The following MED12L variants were observed in gnomAD, a reference collection of about 807,000 sequenced individuals.
MED12L encodes the protein mediator complex subunit 12L.
Under a neutral mutation model 281.3 loss-of-function variants are expected in MED12L, and 60 were observed. The observed-to-expected ratio is 0.21, with a 90% CI of 0.17 to 0.26. The LOEUF is 0.26. Among genes scored for constraint, MED12L ranks in the 10% least tolerant of loss-of-function variants. The pLI is 1.00. For missense variants in MED12L, 2,146 were observed against 2,680.9 expected (o/e 0.80, Z 4.41); for synonymous variants, 974 against 987.2 (o/e 0.99, Z 0.25).
chr3:151,197,421 A>G (rs1472946626), intron 16 of MED12L, among the ~76,000 whole-genome samples: 1 of 152,166 alleles, frequency 6.6e-6, no homozygotes, highest in Non-Finnish European at 1.5e-5. Context: ...TCAGCCTCCC[A>G]AAGTGTGTGA....
chr3:151,167,747 T>C (rs920613803), intron 11 of MED12L, among the ~76,000 whole-genome samples: 1 of 152,148 alleles, frequency 6.6e-6, no homozygotes, highest in Non-Finnish European at 1.5e-5. Flanking sequence ...CAAGTTAGAG[T>C]GCTACGTGCT....
At chr3:151,214,662 A>G (rs1727850936) in intron 16 of MED12L, among the ~76,000 whole-genome samples, 1 of 146,830 alleles carries the variant, frequency 6.8e-6, no homozygotes, top group African/African-American at 2.6e-5. Flanking sequence ...GGAAGAATGG[A>G]GCAGACAGGT....
chr3:151,411,903 G>T (rs952632319), intron 41 of MED12L, among the ~76,000 whole-genome samples: 1 of 152,192 alleles, frequency 6.6e-6, no homozygotes, highest in African/African-American at 2.4e-5. Flanking sequence ...TAAAATGTGT[G>T]ATTGCAATAC....
intron 3 of MED12L, among the ~76,000 whole-genome samples, chr3:151,120,074 A>AT (rs1482730052): frequency 3.4e-4 from 52 of 151,368 alleles, no homozygotes; most frequent in African/African-American, 1.2e-3. Flanking sequence ...AAAAAAAAAA[A>AT]ATTAGCTGGG....
At chr3:151,161,970 G>C (rs1410273990) in intron 8 of MED12L, among the ~76,000 whole-genome samples, 2 of 152,202 alleles carry the variant, frequency 1.3e-5, no homozygotes, top group Admixed American at 1.3e-4. Flanking sequence ...CCAAATTAAG[G>C]AATGTCGAGG....
At chr3:151,121,666 C>CT (rs1713775272) in intron 3 of MED12L, among the ~76,000 whole-genome samples, 1 of 152,068 alleles carries the variant, frequency 6.6e-6, no homozygotes, top group African/African-American at 2.4e-5. Context: ...TGATAGGATT[C>CT]TTGAAAAAAT....
At chr3:151,399,952 G>T (rs1378108560) in intron 39 of MED12L, among the ~76,000 whole-genome samples, 2 of 151,774 alleles carry the variant, frequency 1.3e-5, no homozygotes, top group African/African-American at 2.4e-5. Context: ...TCAGCCTCCC[G>T]AGTAGCTGGG....
At chr3:151,242,192 G>T (rs1343845092) in intron 16 of MED12L, among the ~76,000 whole-genome samples, 1 of 152,228 alleles carries the variant, frequency 6.6e-6, no homozygotes, top group Non-Finnish European at 1.5e-5. Flanking sequence ...CAACACGGCT[G>T]GGGGAGGGGC....
At chr3:151,248,807 T>C (rs1178638672) in intron 16 of MED12L, 4 of 152,164 alleles carry the variant, frequency 2.6e-5, no homozygotes, top group Non-Finnish European at 2.9e-5. Context: ...CCATTTTACA[T>C]TGTAATCACA....
chr3:151,386,822 C>T (rs1325902078), intron 36 of MED12L, among the ~76,000 whole-genome samples: 1 of 152,116 alleles, frequency 6.6e-6, no homozygotes, highest in Non-Finnish European at 1.5e-5. Flanking sequence ...GATCCACCTG[C>T]CTCAGCCTCC....
At position 151,155,156 on chromosome 3, in the gene MED12L, C is replaced by G. The variant is rs187584936; in HGVS notation, c.557-1005C>G. Among the ~76,000 whole-genome samples, 21 of 152,288 alleles carry G rather than the reference C, an allele frequency of 1.4e-4. No homozygotes were observed. The East Asian group carries it at 4.0e-3, about 29-fold the overall frequency. On this transcript the variant is annotated intron_variant, in intron 5 of 44. Coordinates refer to ENST00000687756, the MANE Select transcript of MED12L (RefSeq NM_001393769.1). ...TTGTCAAAATAGAAGGTGGGAGAAC[C>G]TATTGCTGAATAATGGGAAAACAGC...
At chr3:151,150,798 T>G (rs141493098) in intron 5 of MED12L, among the ~76,000 whole-genome samples, 1 of 152,300 alleles carries the variant, frequency 6.6e-6, no homozygotes, top group African/African-American at 2.4e-5. Context: ...TGACAATGGC[T>G]TCTTTCCTTA....
intron 16 of MED12L, among the ~76,000 whole-genome samples, chr3:151,329,918 G>A (rs935350543): frequency 6.6e-6 from 1 of 152,086 alleles, no homozygotes; most frequent in Non-Finnish European, 1.5e-5. Context: ...TTGTAAACTG[G>A]ATTTTCCAGT....
At chr3:151,324,035 G>C (rs1322585007) in intron 16 of MED12L, among the ~76,000 whole-genome samples, 2 of 152,180 alleles carry the variant, frequency 1.3e-5, no homozygotes, top group African/African-American at 4.8e-5. Flanking sequence ...GAGAGGCAGT[G>C]ACCAGAGCAG....
intron 16 of MED12L, among the ~76,000 whole-genome samples, chr3:151,316,154 AT>A (rs1363102529): frequency 6.6e-6 from 1 of 152,150 alleles, no homozygotes; most frequent in African/African-American, 2.4e-5. Flanking sequence ...GACTGAGATT[AT>A]TTTATCAAAA....
At chr3:151,272,167 G>A (rs1741072974) in intron 16 of MED12L, among the ~76,000 whole-genome samples, 1 of 152,196 alleles carries the variant, frequency 6.6e-6, no homozygotes, top group African/African-American at 2.4e-5. Flanking sequence ...GAAAAGGCAG[G>A]ATAAACAGAA....
intron 16 of MED12L, among the ~76,000 whole-genome samples, chr3:151,227,205 G>A (rs1252204084): frequency 6.6e-6 from 1 of 152,204 alleles, no homozygotes; most frequent in African/African-American, 2.4e-5. Context: ...TTGAGGAGCT[G>A]TGCTAAGTTT....
At chr3:151,096,242 A>G (rs1043413699) in intron 2 of MED12L, among the ~76,000 whole-genome samples, 2 of 152,192 alleles carry the variant, frequency 1.3e-5, no homozygotes, top group Non-Finnish European at 2.9e-5. Flanking sequence ...TTGTTAAGTA[A>G]ACAGTGCATA....
Position 151,434,037 on chromosome 3 carries a change from A to AT in MED12L, c.*1240dup, listed in dbSNP as rs1363732684. On this transcript the variant is annotated 3_prime_UTR_variant, in exon 45 of 45. Transcript: ENST00000687756. ...GTAACTTAAGAGTATTCTATATAATATTTTTTTAGATTTAGATGCATAAAA... is the reference window on the plus strand; with the variant it reads ...GTAACTTAAGAGTATTCTATATAATATTTTTTTTAGATTTAGATGCATAAAA... 1 of 152,532 alleles carries AT rather than the reference A, an allele frequency of 6.6e-6. No homozygotes were observed. Among genetic ancestry groups the AT allele is most frequent in the Non-Finnish European group, 1.5e-5 (1 of 68,026 alleles). 9.4% of individuals were successfully genotyped at this position (152,532 alleles called of 1,614,324 possible).
Sources: allele counts gnomAD v4.1 joint callset (sites outside exome capture counted in the v4.1 genomes callset), GRCh38; gene constraint gnomAD v4.1.1; transcripts MANE v1.5; gene names NCBI Gene and HGNC (gene_info 2026-07-23, HGNC 2026-07-21).